ARHGAP12: variants seen among roughly 807,000 people sequenced by gnomAD.
The protein encoded by ARHGAP12 is rho GTPase-activating protein 12.
A neutral mutation model predicts 108.6 loss-of-function variants in ARHGAP12; 64 were observed. The ratio of observed to expected loss-of-function variants is 0.59; its 90% CI spans 0.48 to 0.73. The LOEUF (loss-of-function observed/expected upper bound fraction) is 0.73, where lower values mean the gene tolerates loss of function less well. ARHGAP12 is among the 30% of genes least tolerant of loss of function. The pLI, the probability that ARHGAP12 is intolerant of heterozygous loss-of-function variation, is 0.00. For synonymous variants in ARHGAP12, 312 were observed against 337.2 expected, an observed-to-expected ratio of 0.93 and a Z score of 0.82; for missense variants, 940 against 1,005.9, an observed-to-expected ratio of 0.93 and a Z score of 0.89.
chr10:31,869,742 T>C (rs765753717), intron 3 of ARHGAP12, among the ~76,000 whole-genome samples: 18 of 152,170 alleles, frequency 1.2e-4, no homozygotes, highest in Non-Finnish European at 1.9e-4. Context: ...CATTATCCAC[T>C]GAAAAGAAAA....
chr10:31,863,588 T>A (rs1425486926), intron 3 of ARHGAP12, among the ~76,000 whole-genome samples: 2 of 152,124 alleles, frequency 1.3e-5, no homozygotes, highest in African/African-American at 4.8e-5. Flanking sequence ...CTAGCATAAT[T>A]CTGAAACAAG....
chr10:31,819,411 C>G (rs768272539), intron 12 of ARHGAP12, among the ~76,000 whole-genome samples: 3 of 152,150 alleles, frequency 2.0e-5, no homozygotes, highest in Admixed American at 6.5e-5. Context: ...TCCACAAAAT[C>G]AGTCTTGGAT....
Position 31,817,848 on chromosome 10 carries a change from A to G in ARHGAP12, c.1671T>C (p.Ser557=). The part of the protein sequence containing the change: ...TRQGTELLIQ[S]DNDTVINDWF... ...AATCATTAATAACAGTGTCATTGTC[A>G]GACTGAATTAGCAGTTCTGTTCCTT... The change falls in exon 13 of 20, where the codon TCT becomes TCC. Residue 557 remains serine (S), a synonymous_variant. Transcript: ENST00000344936. The G allele has an allele frequency of 6.2e-7, 1 of 1,612,500 alleles. No homozygotes were observed. The highest frequency in any genetic ancestry group is 1.7e-5 in the Admixed American group (1 of 59,738).
chr10:31,852,697 C>G (rs1836733523), intron 5 of ARHGAP12, 100 bp from the exon 6 acceptor site: 1 of 540,320 alleles, frequency 1.9e-6, no homozygotes. Flanking sequence ...GAATTTTATT[C>G]TACTTGATCA....
rs1402626982 is a variant in ARHGAP12 at position 31,806,380 on chromosome 10, T to C, written c.*1278A>G. The C allele has an allele frequency of 6.6e-6, 1 of 152,608 alleles. No individual in the cohort carries two copies. The highest frequency in any genetic ancestry group is 1.5e-5 in the Non-Finnish European group (1 of 68,012). The allele number at this position is 152,608 out of a possible 1,614,324, so 9.5% of individuals were successfully genotyped here. Reference sequence around the variant, plus strand: ...TCTAGAAAAATACATTTTAAAAATCTTCAACAGACCATGCTCCCTGTAACA... The same window carrying C: ...TCTAGAAAAATACATTTTAAAAATCCTCAACAGACCATGCTCCCTGTAACA... On this transcript the variant is annotated 3_prime_UTR_variant, in exon 20 of 20. Transcript: ENST00000344936.
chr10:31,817,841 C>A lies in ARHGAP12; in HGVS notation c.1678G>T (p.Asp560Tyr). 1 of 1,612,218 alleles carries A rather than the reference C, an allele frequency of 6.2e-7. No individual in the cohort carries two copies. The highest frequency in any genetic ancestry group is 1.1e-5 in the South Asian group (1 of 90,710). Residue 560 changes from aspartate (D) to tyrosine (Y), a missense_variant, in exon 13 of 20, where the codon GAC becomes TAC. Physicochemically the swap from Asp to Tyr is radical, Grantham distance 160. Transcript: ENST00000344936. Reference protein sequence around the residue: ...GTELLIQSDNDTVINDWFKVL... With the variant: ...GTELLIQSDNYTVINDWFKVL... ...TTAAACCAATCATTAATAACAGTGT[C>A]ATTGTCAGACTGAATTAGCAGTTCT...
intron 9 of ARHGAP12, among the ~76,000 whole-genome samples, chr10:31,834,980 C>T (rs544866612): frequency 1.4e-4 from 22 of 152,170 alleles, no homozygotes; most frequent in South Asian, 6.2e-4. Flanking sequence ...ACAGGTGGAT[C>T]ACGAGGTCAG....
chr10:31,862,492 A>AG (rs1374885574), intron 3 of ARHGAP12, among the ~76,000 whole-genome samples: 1 of 152,206 alleles, frequency 6.6e-6, no homozygotes, highest in Non-Finnish European at 1.5e-5. Flanking sequence ...CAGTTGCTGA[A>AG]GAAAAAAAAC....
intron 7 of ARHGAP12, among the ~76,000 whole-genome samples, chr10:31,842,999 T>C (rs1462663996): frequency 6.6e-6 from 1 of 152,106 alleles, no homozygotes; most frequent in Non-Finnish European, 1.5e-5. Flanking sequence ...GGGAATAGAA[T>C]TCCAATATTA....
Position 31,918,104 on chromosome 10 carries a change from T to C in ARHGAP12, c.-110-7541A>G, listed in dbSNP as rs139544358. ...CTGAGTAGCTAGGACTACAGGTACG[T>C]ACCACCACACCTAGCTAATTTTTAA... On this transcript the variant is annotated intron_variant, in intron 1 of 19. Coordinates refer to ENST00000344936, the MANE Select transcript of ARHGAP12 (RefSeq NM_018287.7). 2.6e-5 allele frequency among the ~76,000 whole-genome samples: 4 copies of C among 152,204 alleles called. No homozygotes were observed. In the East Asian group the frequency reaches 7.7e-4, roughly 29 times the overall value.
chr10:31,924,499 T>G (rs1839948524), intron 1 of ARHGAP12, among the ~76,000 whole-genome samples: 1 of 152,188 alleles, frequency 6.6e-6, no homozygotes, highest in African/African-American at 2.4e-5. Context: ...GTATGTAGCC[T>G]TCTGTGTCTG....
intron 7 of ARHGAP12, among the ~76,000 whole-genome samples, chr10:31,840,698 A>G (rs1039649485): frequency 6.6e-6 from 1 of 152,166 alleles, no homozygotes; most frequent in African/African-American, 2.4e-5. Flanking sequence ...TTTAAGTAAC[A>G]CTTGCAAAAA....
At chr10:31,882,824 A>G (rs981513416) in intron 3 of ARHGAP12, among the ~76,000 whole-genome samples, 1 of 89,118 alleles carries the variant, frequency 1.1e-5, no homozygotes, top group African/African-American at 3.7e-5. Context: ...TAAAAAGAAA[A>G]AAAAAAAAAA....
In ARHGAP12 at chr10:31,908,183, C is replaced by A; in HGVS notation, c.673G>T (p.Glu225Ter). The A allele has an allele frequency of 6.2e-7, 1 of 1,600,862 alleles. No homozygotes were observed. Among genetic ancestry groups the A allele is most frequent in the South Asian group, 1.1e-5 (1 of 88,700 alleles). Residue 225 changes from glutamate to a stop codon, truncating the protein, a stop_gained, in exon 3 of 20, where the codon GAA becomes TAA. Transcript: ENST00000344936. LOFTEE classifies it high-confidence loss of function. ...ATTTTTAATCTTACCCTTATCTGTT[C>A]AGTGGAGCTGCTGCTAAGTTCATCA... ...SGDELSSSST[E>*]QIRATTPPNQ...
At chr10:31,812,542 CA>C (rs1835059698) in intron 15 of ARHGAP12, 164 bp downstream of exon 15, 3 of 462,168 alleles carry the variant, frequency 6.5e-6, no homozygotes, top group Non-Finnish European at 7.4e-6. Flanking sequence ...AATAAACTTT[CA>C]AAAAAACTAT....
intron 3 of ARHGAP12, among the ~76,000 whole-genome samples, chr10:31,865,937 A>G (rs1000461060): frequency 2.2e-4 from 34 of 152,266 alleles, no homozygotes; most frequent in African/African-American, 6.7e-4. Flanking sequence ...CGTGGGGTCA[A>G]TAACATATGA....
At chr10:31,918,589 C>T (rs567019054) in intron 1 of ARHGAP12, among the ~76,000 whole-genome samples, 176 of 152,210 alleles carry the variant, frequency 1.2e-3, no homozygotes, top group African/African-American at 4.1e-3. Flanking sequence ...TGCCTGTAGC[C>T]CTAGCTACGC....
Position 31,826,443 on chromosome 10 carries a change from C to A in ARHGAP12, c.1449-58G>T, listed in dbSNP as rs749811383. 4.9e-6 allele frequency: 7 copies of A among 1,442,072 alleles called. No homozygotes were observed. In the East Asian group the frequency reaches 6.9e-5, roughly 14 times the overall value. 89.3% of individuals were successfully genotyped at this position (1,442,072 alleles called of 1,614,324 possible). A position where few individuals can be genotyped will look rare whatever the true frequency, so the allele number is the denominator to read the frequency against. On this transcript the variant is annotated intron_variant, in intron 10 of 19. Transcript: ENST00000344936. ...AATCTCGAGTTCTTTCAGCCAAATT[C>A]AAAAAATTAAGACCTACTTAGCTCT...
rs570407949 is a variant in ARHGAP12, at chr10:31,902,071, T to C, written c.684+6101A>G. Among the ~76,000 whole-genome samples the C allele has an allele frequency of 5.3e-5, 8 of 152,260 alleles. No homozygotes were observed. The East Asian group carries it at 1.3e-3, about 26-fold the overall frequency. Reference sequence around the variant, plus strand: ...GTAAGTATTATTCAGCCTACCACAATAGCTAAAACAATTCTGAAAAAGAAG... The same window carrying C: ...GTAAGTATTATTCAGCCTACCACAACAGCTAAAACAATTCTGAAAAAGAAG... On this transcript the variant is annotated intron_variant, in intron 3 of 19. Coordinates refer to ENST00000344936, the MANE Select transcript of ARHGAP12 (RefSeq NM_018287.7).
Sources: allele counts gnomAD v4.1 joint callset (sites outside exome capture counted in the v4.1 genomes callset), GRCh38; gene constraint gnomAD v4.1.1; transcripts MANE v1.5; gene names NCBI Gene and HGNC (gene_info 2026-07-23, HGNC 2026-07-21).